NDUFAF2: variants seen among roughly 807,000 people sequenced by gnomAD.
The protein encoded by NDUFAF2 is NADH:ubiquinone oxidoreductase complex assembly factor 2.
In NDUFAF2, 13 loss-of-function variants were observed where a neutral mutation model predicts 22.8. The ratio of observed to expected loss-of-function variants is 0.57; its 90% CI spans 0.37 to 0.91. The LOEUF is 0.91. Ranked by LOEUF, NDUFAF2 falls within the 40% of genes least tolerant of loss-of-function variation. The pLI is 0.01. For missense variants in NDUFAF2, 162 were observed against 195.2 expected, an observed-to-expected ratio of 0.83 and a Z score of 1.01; for synonymous variants, 53 against 64.2, an observed-to-expected ratio of 0.83 and a Z score of 0.84.
chr5:61,111,260 G>A (rs1246426308), intron 3 of NDUFAF2, among the ~76,000 whole-genome samples: 1 of 152,158 alleles, frequency 6.6e-6, no homozygotes, highest in Non-Finnish European at 1.5e-5. Context: ...AATGATCCAT[G>A]TGCTTAACGA....
chr5:61,036,114 A>T (rs1751797456), intron 1 of NDUFAF2, among the ~76,000 whole-genome samples: 1 of 152,204 alleles, frequency 6.6e-6, no homozygotes, highest in African/African-American at 2.4e-5. Context: ...ACTTGGGATG[A>T]TGTTAAGGGC....
chr5:61,070,976 A>T (rs1450296866), intron 1 of NDUFAF2, among the ~76,000 whole-genome samples: 1 of 152,180 alleles, frequency 6.6e-6, no homozygotes, highest in Non-Finnish European at 1.5e-5. Flanking sequence ...CTACATGAAG[A>T]CATCGGTATT....
chr5:60,973,189 G>T (rs1750858749), intron 1 of NDUFAF2, among the ~76,000 whole-genome samples: 1 of 152,112 alleles, frequency 6.6e-6, no homozygotes, highest in African/African-American at 2.4e-5. Context: ...AGTTGCCCCA[G>T]TTAACACTTG....
chr5:60,976,429 A>G (rs943140133), intron 1 of NDUFAF2, among the ~76,000 whole-genome samples: 3 of 151,976 alleles, frequency 2.0e-5, no homozygotes, highest in Non-Finnish European at 2.9e-5. Context: ...TTCACATATT[A>G]TAGTCTTTCT....
At chr5:61,101,614 A>G (rs1271526757) in intron 3 of NDUFAF2, among the ~76,000 whole-genome samples, 1 of 152,098 alleles carries the variant, frequency 6.6e-6, no homozygotes, top group East Asian at 1.9e-4. Context: ...TCCAGAAACT[A>G]GATTTTTTTT....
intron 1 of NDUFAF2, among the ~76,000 whole-genome samples, chr5:60,976,737 G>A (rs1357614861): frequency 6.6e-6 from 1 of 151,958 alleles, no homozygotes; most frequent in African/African-American, 2.4e-5. Flanking sequence ...CCCTCCTCTT[G>A]TGCATTTTAA....
rs928463883 is a variant in NDUFAF2 at position 61,080,225 on chromosome 5, G to A, written c.217+7011G>A. On this transcript the variant is annotated intron_variant, in intron 2 of 3. Transcript: ENST00000296597. ...GTCCTTTCTACTTTATAGCAATTAT[G>A]AGTAAAGTTGCTATATTAATTCATA... is the stretch of plus-strand genomic sequence containing the variant. Among the ~76,000 whole-genome samples the A allele has an allele frequency of 2.4e-4, 36 of 152,220 alleles. 1 individual carries two copies. Among genetic ancestry groups the A allele is most frequent in the Admixed American group, 5.2e-4 (8 of 15,284 alleles).
At chr5:61,007,531 G>C (rs961415786) in intron 1 of NDUFAF2, among the ~76,000 whole-genome samples, 3 of 152,126 alleles carry the variant, frequency 2.0e-5, no homozygotes, top group Admixed American at 6.6e-5. Flanking sequence ...CCTTTATGCA[G>C]CCAAAAAACA....
intron 1 of NDUFAF2, among the ~76,000 whole-genome samples, chr5:60,971,637 G>A (rs1272811881): frequency 4.4e-5 from 3 of 67,638 alleles, no homozygotes; most frequent in South Asian, 5.2e-4. Flanking sequence ...GACAGGCCCC[G>A]GTGTGTGGTG....
intron 3 of NDUFAF2, among the ~76,000 whole-genome samples, chr5:61,132,951 A>G (rs916059323): frequency 2.6e-5 from 4 of 151,874 alleles, no homozygotes; most frequent in Non-Finnish European, 5.9e-5. Flanking sequence ...CCATAATAAG[A>G]AGGGAAAAGC....
chr5:60,945,251 A>C lies in NDUFAF2; in HGVS notation c.-5A>C. On this transcript the variant is annotated 5_prime_UTR_variant, in exon 1 of 4. Coordinates refer to ENST00000296597, the MANE Select transcript of NDUFAF2 (RefSeq NM_174889.5). The stretch of plus-strand genomic sequence containing the variant: ...GCTGGCAGCGCTGGAAACTGGGTGG[A>C]CGGCATGGGTTGGTCTCAGGATTTG... 6.2e-7 allele frequency: 1 copy of C among 1,612,432 alleles called. No homozygotes were observed. Among genetic ancestry groups the C allele is most frequent in the Non-Finnish European group, 8.5e-7 (1 of 1,179,738 alleles).
chr5:60,982,567 A>T (rs1306634864), intron 1 of NDUFAF2, among the ~76,000 whole-genome samples: 1 of 99,064 alleles, frequency 1.0e-5, no homozygotes, highest in Non-Finnish European at 1.9e-5. Context: ...ACCCCACATC[A>T]GGCCCTGGTG....
At chr5:61,006,197 G>C (rs1184653805) in intron 1 of NDUFAF2, among the ~76,000 whole-genome samples, 1 of 152,120 alleles carries the variant, frequency 6.6e-6, no homozygotes, top group Non-Finnish European at 1.5e-5. Flanking sequence ...ATTAAATAGG[G>C]AATCCTTTCC....
intron 1 of NDUFAF2, among the ~76,000 whole-genome samples, chr5:61,040,343 A>G (rs1398109497): frequency 1.3e-5 from 2 of 151,636 alleles, no homozygotes; most frequent in Non-Finnish European, 2.9e-5. Flanking sequence ...GCTACAAGCC[A>G]AGGAAGGCCA....
At chr5:61,070,844 T>G (rs898477811) in intron 1 of NDUFAF2, among the ~76,000 whole-genome samples, 2 of 152,132 alleles carry the variant, frequency 1.3e-5, no homozygotes, top group Non-Finnish European at 2.9e-5. Flanking sequence ...ATTTAAAAAC[T>G]TATAGACCAT....
chr5:61,009,397 A>T (rs560972294), intron 1 of NDUFAF2, among the ~76,000 whole-genome samples: 1 of 152,178 alleles, frequency 6.6e-6, no homozygotes, highest in Admixed American at 6.6e-5. Flanking sequence ...TCCTAATCTC[A>T]CCAAGGAATC....
intron 1 of NDUFAF2, among the ~76,000 whole-genome samples, chr5:61,066,647 T>C (rs1332692940): frequency 6.6e-6 from 1 of 152,116 alleles, no homozygotes; most frequent in African/African-American, 2.4e-5. Context: ...AATTCACTTA[T>C]ATAACATGGC....
At chr5:61,083,279 T>C (rs1752466500) in intron 2 of NDUFAF2, 1 of 152,140 alleles carries the variant, frequency 6.6e-6, no homozygotes, top group South Asian at 2.1e-4. Flanking sequence ...TTTGATGTCT[T>C]ACATTTAAGT....
At chr5:60,949,375 T>C (rs1750510200) in intron 1 of NDUFAF2, among the ~76,000 whole-genome samples, 1 of 152,216 alleles carries the variant, frequency 6.6e-6, no homozygotes, top group East Asian at 1.9e-4. Flanking sequence ...ATATCAGTAG[T>C]TTGCTCCTTT....
Sources: allele counts gnomAD v4.1 joint callset (sites outside exome capture counted in the v4.1 genomes callset), GRCh38; gene constraint gnomAD v4.1.1; transcripts MANE v1.5; gene names NCBI Gene and HGNC (gene_info 2026-07-23, HGNC 2026-07-21).